CSMD1: variants seen among roughly 807,000 people sequenced by gnomAD.
CSMD1 encodes CUB and sushi domain-containing protein 1.
CSMD1 carries 213 observed loss-of-function variants against 417.5 expected under a neutral mutation model. The observed-to-expected ratio is 0.51, with a 90% confidence interval of 0.46 to 0.57. CSMD1 has a LOEUF of 0.57. Among genes scored for constraint, CSMD1 ranks in the 20% least tolerant of loss-of-function variants. The pLI is 0.00. For missense variants in CSMD1, 6,923 were observed against 4,529.7 expected (o/e 1.53, Z -15.17); for synonymous variants, 2,862 against 1,736.8 (o/e 1.65, Z -16.11).
intron 3 of CSMD1, among the ~76,000 whole-genome samples, chr8:4,159,235 A>G (rs1797008985): frequency 6.6e-6 from 1 of 152,154 alleles, no homozygotes; most frequent in African/African-American, 2.4e-5. Flanking sequence ...TTATTGATAG[A>G]TAACCGTGAA....
chr8:3,652,878 G>A (rs903644266), intron 7 of CSMD1, among the ~76,000 whole-genome samples: 2 of 152,132 alleles, frequency 1.3e-5, no homozygotes, highest in Non-Finnish European at 2.9e-5. Context: ...CACACAGTCA[G>A]CACTCAATAC....
At chr8:3,270,863 C>G (rs1046341536) in intron 26 of CSMD1, among the ~76,000 whole-genome samples, 2 of 151,898 alleles carry the variant, frequency 1.3e-5, no homozygotes, top group African/African-American at 4.8e-5. Context: ...CTGGGGAGGC[C>G]TCACAATTAT....
chr8:4,174,721 G>GGGATGTGAGGAAGAC (rs1196712854), intron 3 of CSMD1, among the ~76,000 whole-genome samples: 4 of 100,436 alleles, frequency 4.0e-5, no homozygotes, highest in Non-Finnish European at 5.7e-5. Context: ...GAGAGGAAGA[G>GGGATGTGAGGAAGAC]GGATGTGAGG....
chr8:3,141,120 C>G (rs1219420570), intron 41 of CSMD1, among the ~76,000 whole-genome samples: 3 of 152,176 alleles, frequency 2.0e-5, no homozygotes, highest in Non-Finnish European at 2.9e-5. Context: ...GGGAAAGCTA[C>G]ATGATGATGA....
At chr8:4,667,205 ATATC>A (rs1230251846) in intron 1 of CSMD1, among the ~76,000 whole-genome samples, 1 of 152,124 alleles carries the variant, frequency 6.6e-6, no homozygotes, top group Admixed American at 6.5e-5. Context: ...TCCATAGATT[ATATC>A]TATCTATCTA....
intron 5 of CSMD1, among the ~76,000 whole-genome samples, chr8:3,853,943 T>TAATATATTAATATATTAAAGTAG (rs1804107892): frequency 6.8e-6 from 1 of 146,514 alleles, no homozygotes; most frequent in Non-Finnish European, 1.5e-5. Context: ...TATTAAAGTA[T>TAATATATTAATATATTAAAGTAG]AATATATTAA....
intron 4 of CSMD1, among the ~76,000 whole-genome samples, chr8:4,005,558 G>A (rs1585118392): frequency 6.6e-6 from 1 of 152,154 alleles, no homozygotes; most frequent in South Asian, 2.1e-4. Flanking sequence ...TTTCTGAATT[G>A]TCTTTTATTG....
intron 7 of CSMD1, among the ~76,000 whole-genome samples, chr8:3,635,832 A>AAAG (rs1797018213): frequency 6.7e-6 from 1 of 149,924 alleles, no homozygotes; most frequent in African/African-American, 2.5e-5. Flanking sequence ...AAGAAAGAAA[A>AAAG]AAAAAATGAG....
chr8:3,006,748 C>G (rs1292305343), intron 52 of CSMD1, among the ~76,000 whole-genome samples: 1 of 151,746 alleles, frequency 6.6e-6, no homozygotes, highest in African/African-American at 2.4e-5. Flanking sequence ...GGATCCCTTC[C>G]TTACAGCTTA....
chr8:4,269,706 C>T (rs1473702120), intron 3 of CSMD1, among the ~76,000 whole-genome samples: 1 of 152,190 alleles, frequency 6.6e-6, no homozygotes, highest in Admixed American at 6.5e-5. Flanking sequence ...ATCAATTAAC[C>T]AGCATCTGTT....
At chr8:2,974,854 G>A (rs548393408) in intron 55 of CSMD1, among the ~76,000 whole-genome samples, 1 of 152,286 alleles carries the variant, frequency 6.6e-6, no homozygotes, top group East Asian at 1.9e-4. Flanking sequence ...GTTTTGCTAA[G>A]GTAGCTTTCC....
In CSMD1 at chr8:4,667,915, T is replaced by A. The variant is rs375585508; in HGVS notation, c.86-30357A>T. ...TGAATAGCAGTGGTTAGAGTGGCCA[T>A]CTTTGCCTGGTTCACACATACGTCT... is the stretch of plus-strand genomic sequence containing the variant. On this transcript the variant is annotated intron_variant, in intron 1 of 69. Transcript: ENST00000635120. 2.6e-5 allele frequency among the ~76,000 whole-genome samples: 4 copies of A among 152,374 alleles called. No individual in the cohort carries two copies. The East Asian group carries it at 7.7e-4, about 29-fold the overall frequency.
chr8:4,760,401 C>G (rs548729972), intron 1 of CSMD1, among the ~76,000 whole-genome samples: 1 of 152,128 alleles, frequency 6.6e-6, no homozygotes, highest in African/African-American at 2.4e-5. Context: ...AAATTCTCAG[C>G]TGACTTTATG....
chr8:3,279,156 C>T (rs1161648859), intron 26 of CSMD1: 1 of 152,158 alleles, frequency 6.6e-6, no homozygotes, highest in Non-Finnish European at 1.5e-5. Context: ...GTGTTCCAGC[C>T]TGAGATCCTT....
chr8:3,783,693 G>C (rs1394271592), intron 5 of CSMD1, among the ~76,000 whole-genome samples: 1 of 152,196 alleles, frequency 6.6e-6, no homozygotes, highest in Admixed American at 6.5e-5. Flanking sequence ...GTCAAACGGA[G>C]GCTCCCCTCC....
At chr8:4,524,270 T>C (rs1476270813) in intron 2 of CSMD1, among the ~76,000 whole-genome samples, 1 of 150,964 alleles carries the variant, frequency 6.6e-6, no homozygotes, top group Admixed American at 6.6e-5. Context: ...AAAAATGAAA[T>C]ACCCATCTAG....
At chr8:3,776,805 G>GATATATATATATATATATATATATATAT (rs1411200186) in intron 5 of CSMD1, among the ~76,000 whole-genome samples, 1 of 96,664 alleles carries the variant, frequency 1.0e-5, no homozygotes, top group African/African-American at 4.9e-5. Context: ...ACATATAGAC[G>GATATATATATATATATATATATATATAT]AGATATATAT....
intron 3 of CSMD1, among the ~76,000 whole-genome samples, chr8:4,312,575 A>G (rs1003536435): frequency 6.6e-6 from 1 of 151,690 alleles, no homozygotes; most frequent in Non-Finnish European, 1.5e-5. Flanking sequence ...TTTATGAGCA[A>G]CAGATGTATT....
At chr8:3,220,004 G>C (rs1006402911) in intron 28 of CSMD1, among the ~76,000 whole-genome samples, 12 of 152,020 alleles carry the variant, frequency 7.9e-5, no homozygotes, top group African/African-American at 2.9e-4. Context: ...AGTTAGTAGA[G>C]TGTGGTGGTG....
Sources: gnomAD v4.1 joint callset for allele counts (sites outside exome capture counted in the v4.1 genomes callset) on GRCh38, gnomAD v4.1.1 for gene constraint, MANE v1.5 for transcripts, NCBI Gene and HGNC (gene_info 2026-07-23, HGNC 2026-07-21) for gene names.